VPS37A: variants seen among roughly 807,000 people sequenced by gnomAD.
VPS37A encodes VPS37A subunit of ESCRT-I, also known as vacuolar protein sorting-associated protein 37A.
VPS37A carries 30 observed loss-of-function variants against 49.8 expected under a neutral mutation model. That is an observed-to-expected ratio of 0.60 (90% CI 0.45 to 0.82). The LOEUF (loss-of-function observed/expected upper bound fraction) is 0.82. VPS37A is among the 40% of genes least tolerant of loss of function. VPS37A has a pLI of 0.00. For missense variants in VPS37A, 593 were observed against 464.4 expected (o/e 1.28, Z -2.55); for synonymous variants, 195 against 160.6 (o/e 1.21, Z -1.62).
chr8:17,305,897 CT>C (rs1563316699), downstream of VPS37A: 1 of 1,613,774 alleles, frequency 6.2e-7, no homozygotes, highest in Admixed American at 1.7e-5. Context: ...GCCAAACACA[CT>C]CAATGAACTG....
the VPS37A span, among the ~76,000 whole-genome samples, chr8:17,307,570 T>C: frequency 6.6e-6 from 1 of 152,122 alleles, no homozygotes; most frequent in Non-Finnish European, 1.5e-5. Flanking sequence ...CATGCTGCTA[T>C]AAAGACACAT....
intron 2 of VPS37A, among the ~76,000 whole-genome samples, chr8:17,267,325 A>G (rs951827678): frequency 1.3e-5 from 2 of 152,180 alleles, no homozygotes; most frequent in Admixed American, 1.3e-4. Context: ...CCATCAGGGG[A>G]ACAAAGAGAC....
At chr8:17,289,926 G>T (rs988410520) in intron 11 of VPS37A, among the ~76,000 whole-genome samples, 5 of 152,174 alleles carry the variant, frequency 3.3e-5, no homozygotes, top group African/African-American at 1.2e-4. Context: ...CATATCCCTT[G>T]TAAGTTGGAT....
intron 1 of VPS37A, among the ~76,000 whole-genome samples, chr8:17,248,158 A>G (rs943127022): frequency 1.3e-4 from 20 of 152,192 alleles, no homozygotes; most frequent in African/African-American, 4.8e-4. Flanking sequence ...GTTTTCAAAA[A>G]TTAGAACTGC....
intron 1 of VPS37A, among the ~76,000 whole-genome samples, chr8:17,262,755 A>T (rs1325865779): frequency 6.6e-6 from 1 of 152,170 alleles, no homozygotes; most frequent in Non-Finnish European, 1.5e-5. Flanking sequence ...CTACAACATT[A>T]TGCAGCCATT....
the VPS37A span, among the ~76,000 whole-genome samples, chr8:17,308,003 G>A: frequency 5.3e-5 from 8 of 151,864 alleles, no homozygotes; most frequent in Non-Finnish European, 7.4e-5. Context: ...AAACCTGCAC[G>A]TTGTGCACAT....
At chr8:17,268,480 T>A in intron 3 of VPS37A, 108 bp downstream of exon 3, 1 of 816,226 alleles carries the variant, frequency 1.2e-6, no homozygotes, top group Non-Finnish European at 1.9e-6. Context: ...TTGTCATGAG[T>A]ACTTTTTTTA....
At chr8:17,255,715 C>G (rs952666722) in intron 1 of VPS37A, among the ~76,000 whole-genome samples, 1 of 152,132 alleles carries the variant, frequency 6.6e-6, no homozygotes, top group Non-Finnish European at 1.5e-5. Flanking sequence ...CCTGTTTACC[C>G]TTCCTAGTGT....
the VPS37A span, among the ~76,000 whole-genome samples, chr8:17,314,745 C>T: frequency 7.2e-5 from 11 of 152,196 alleles, no homozygotes; most frequent in Admixed American, 1.3e-4. Flanking sequence ...AGGCAAGATT[C>T]CAAAATCTTC....
At chr8:17,300,337 GTGACTCA>G, downstream of VPS37A, 2 of 1,168,858 alleles carry the variant, frequency 1.7e-6, no homozygotes, top group South Asian at 3.3e-5. Flanking sequence ...TTAAGAACAT[GTGACTCA>G]GAGGGATGTG....
At chr8:17,285,283 A>G (rs889271457) in intron 10 of VPS37A, among the ~76,000 whole-genome samples, 2 of 152,192 alleles carry the variant, frequency 1.3e-5, no homozygotes, top group Non-Finnish European at 2.9e-5. Flanking sequence ...TCATTCTGTA[A>G]TACAGCTGAT....
intron 1 of VPS37A, among the ~76,000 whole-genome samples, chr8:17,252,044 G>A (rs1411863978): frequency 6.6e-6 from 1 of 152,184 alleles, no homozygotes; most frequent in Non-Finnish European, 1.5e-5. Flanking sequence ...GGTAACACAA[G>A]AGATATTGTA....
intron 2 of VPS37A, among the ~76,000 whole-genome samples, chr8:17,267,901 C>G (rs1813618284): frequency 6.6e-6 from 1 of 152,142 alleles, no homozygotes; most frequent in African/African-American, 2.4e-5. Context: ...AATAGCCAGA[C>G]TGGACTAGTA....
At chr8:17,315,879 G>C in the VPS37A span, among the ~76,000 whole-genome samples, 1 of 152,094 alleles carries the variant, frequency 6.6e-6, no homozygotes, top group Non-Finnish European at 1.5e-5. Flanking sequence ...GAGACTGAGT[G>C]GCACATGCCT....
At chr8:17,251,230 G>A (rs1384902811) in intron 1 of VPS37A, among the ~76,000 whole-genome samples, 3 of 152,156 alleles carry the variant, frequency 2.0e-5, no homozygotes, top group African/African-American at 7.2e-5. Context: ...GGAGTTGGAG[G>A]GGAAGTCTGC....
intron 9 of VPS37A, among the ~76,000 whole-genome samples, chr8:17,283,876 T>TA (rs1815338306): frequency 6.6e-6 from 1 of 152,228 alleles, no homozygotes; most frequent in Non-Finnish European, 1.5e-5. Context: ...GCCCTTGAGA[T>TA]TTTGATAGGG....
At chr8:17,250,523 T>C (rs1296070104) in intron 1 of VPS37A, among the ~76,000 whole-genome samples, 2 of 152,206 alleles carry the variant, frequency 1.3e-5, no homozygotes, top group Non-Finnish European at 2.9e-5. Flanking sequence ...GTTTTATGTC[T>C]CTTCTCCAAA....
the VPS37A span, among the ~76,000 whole-genome samples, chr8:17,319,344 G>A: frequency 6.6e-6 from 1 of 152,176 alleles, no homozygotes; most frequent in Non-Finnish European, 1.5e-5. Flanking sequence ...GAAAATGGTA[G>A]CTATGATACA....
chr8:17,316,389 A>G, the VPS37A span, among the ~76,000 whole-genome samples: 1 of 151,604 alleles, frequency 6.6e-6, no homozygotes, highest in East Asian at 1.9e-4. Flanking sequence ...ATTCCACTCT[A>G]TATCTTAAAT....
Sources: gnomAD v4.1 joint callset for allele counts (sites outside exome capture counted in the v4.1 genomes callset) on GRCh38, gnomAD v4.1.1 for gene constraint, MANE v1.5 for transcripts, NCBI Gene and HGNC (gene_info 2026-07-23, HGNC 2026-07-21) for gene names.